CMSS1: variants seen among roughly 807,000 people sequenced by gnomAD.
CMSS1 encodes protein CMSS1.
Under a neutral mutation model 43.5 loss-of-function variants are expected in CMSS1, and 33 were observed. That is an observed-to-expected ratio of 0.76 (90% CI 0.57 to 1.01). The LOEUF (loss-of-function observed/expected upper bound fraction) is 1.01. Ranked by LOEUF, CMSS1 falls within the 50% of genes least tolerant of loss-of-function variation. CMSS1 has a pLI of 0.00. For missense variants in CMSS1, 313 were observed against 326.4 expected (o/e 0.96, Z 0.32); for synonymous variants, 115 against 117.2 (o/e 0.98, Z 0.12).
At chr3:100,121,249 C>A (rs184182311) in intron 1 of CMSS1, among the ~76,000 whole-genome samples, 1 of 150,120 alleles carries the variant, frequency 6.7e-6, no homozygotes, top group East Asian at 1.9e-4. Context: ...CCTAGCCCCC[C>A]ACCCCCCTAC....
chr3:100,112,719 C>T (rs754434155), intron 1 of CMSS1, among the ~76,000 whole-genome samples: 1 of 152,124 alleles, frequency 6.6e-6, no homozygotes, highest in East Asian at 1.9e-4. Context: ...AGAAAATTCT[C>T]ATCAGAGTAG....
At chr3:99,967,382 C>T (rs1278785828) in intron 1 of CMSS1, among the ~76,000 whole-genome samples, 2 of 152,142 alleles carry the variant, frequency 1.3e-5, no homozygotes, top group Non-Finnish European at 2.9e-5. Context: ...AGAAGCTTCT[C>T]GTGAAGAGTA....
At chr3:100,145,828 C>G (rs2066845081) in intron 1 of CMSS1, among the ~76,000 whole-genome samples, 1 of 152,212 alleles carries the variant, frequency 6.6e-6, no homozygotes, top group Non-Finnish European at 1.5e-5. Flanking sequence ...GGAAATTAAT[C>G]TGTTCTATTC....
rs555336264 is a variant in CMSS1, at chr3:100,151,876, T to G, written c.153+4815T>G. On this transcript the variant is annotated intron_variant, in intron 2 of 9. Coordinates refer to ENST00000421999, the MANE Select transcript of CMSS1 (RefSeq NM_032359.4). ...TCTTGTCATCTAAATCAGGTCCAGG[T>G]GCAGTTGGGGCTCCTCAGTTTTAAT... Among the ~76,000 whole-genome samples, 131 of 152,322 alleles carry G rather than the reference T, an allele frequency of 8.6e-4. 1 individual carries two copies. Among genetic ancestry groups the G allele is most frequent in the South Asian group, 2.9e-3 (14 of 4,830 alleles).
chr3:100,054,644 C>G (rs2065433105), intron 1 of CMSS1, among the ~76,000 whole-genome samples: 1 of 151,990 alleles, frequency 6.6e-6, no homozygotes, highest in Non-Finnish European at 1.5e-5. Context: ...AGATGTGGCT[C>G]AAAGAAACCA....
At chr3:100,123,297 G>A (rs114475222) in intron 1 of CMSS1, among the ~76,000 whole-genome samples, 50 of 152,246 alleles carry the variant, frequency 3.3e-4, no homozygotes, top group South Asian at 1.0e-3. Context: ...TGAAGGCTCC[G>A]GGGCAAGAAA....
chr3:100,022,124 A>G (rs1036752257), intron 1 of CMSS1, among the ~76,000 whole-genome samples: 5 of 152,218 alleles, frequency 3.3e-5, no homozygotes, highest in Non-Finnish European at 7.3e-5. Context: ...ATAAAAATAG[A>G]GGGAAGCCCT....
At chr3:100,093,667 C>T (rs1305636825) in intron 1 of CMSS1, among the ~76,000 whole-genome samples, 6 of 152,122 alleles carry the variant, frequency 3.9e-5, no homozygotes, top group Non-Finnish European at 8.8e-5. Context: ...ACAAGGATCC[C>T]TCATGTTCAC....
At chr3:99,953,197 G>A (rs568400131) in intron 1 of CMSS1, among the ~76,000 whole-genome samples, 2 of 152,204 alleles carry the variant, frequency 1.3e-5, no homozygotes, top group South Asian at 4.1e-4. Flanking sequence ...TACTTCCTCT[G>A]TGTTGTCAAC....
At chr3:99,873,093 ATAAGT>A (rs1705319024) in intron 1 of CMSS1, among the ~76,000 whole-genome samples, 1 of 152,228 alleles carries the variant, frequency 6.6e-6, no homozygotes, top group Non-Finnish European at 1.5e-5. Context: ...CACTTTAAGC[ATAAGT>A]GACTGGGTTG....
intron 1 of CMSS1, among the ~76,000 whole-genome samples, chr3:100,069,882 A>C (rs905120407): frequency 6.6e-6 from 1 of 152,120 alleles, no homozygotes; most frequent in African/African-American, 2.4e-5. Context: ...GAGGACTCAC[A>C]CTATCCAGTT....
chr3:100,112,457 C>T (rs2107479997), intron 1 of CMSS1, among the ~76,000 whole-genome samples: 1 of 152,266 alleles, frequency 6.6e-6, no homozygotes, highest in Admixed American at 6.5e-5. Flanking sequence ...TCTTCATTTC[C>T]AGTGCCAGCG....
At chr3:99,930,181 T>C (rs1370064134) in intron 1 of CMSS1, 2 of 663,376 alleles carry the variant, frequency 3.0e-6, no homozygotes, top group Non-Finnish European at 5.0e-6. Context: ...GTAACAAAAC[T>C]ATATCCCTTC....
chr3:100,084,298 C>G (rs943284132), intron 1 of CMSS1, among the ~76,000 whole-genome samples: 1 of 152,058 alleles, frequency 6.6e-6, no homozygotes, highest in Non-Finnish European at 1.5e-5. Context: ...TTCACTAGCC[C>G]ATTGAGTAGA....
intron 1 of CMSS1, among the ~76,000 whole-genome samples, chr3:100,000,509 C>T (rs771432814): frequency 2.0e-5 from 3 of 152,020 alleles, no homozygotes; most frequent in South Asian, 4.1e-4. Context: ...AGGGTAAAAA[C>T]GGGTGAAAAT....
chr3:100,126,963 A>C (rs1054305927), intron 1 of CMSS1, among the ~76,000 whole-genome samples: 14 of 151,750 alleles, frequency 9.2e-5, no homozygotes, highest in Non-Finnish European at 1.8e-4. Flanking sequence ...TCGCCACTGC[A>C]CTCTAGCCTG....
chr3:99,863,927 C>T (rs900379837), intron 1 of CMSS1, among the ~76,000 whole-genome samples: 2 of 152,156 alleles, frequency 1.3e-5, no homozygotes, highest in Non-Finnish European at 2.9e-5. Context: ...TGCAGCCAAA[C>T]ATTTCTTGGA....
intron 1 of CMSS1, among the ~76,000 whole-genome samples, chr3:100,100,217 A>G (rs1457996412): frequency 6.6e-6 from 1 of 152,132 alleles, no homozygotes; most frequent in African/African-American, 2.4e-5. Context: ...TTCTCCTGAG[A>G]TATTCAAGGG....
At chr3:100,144,145 G>A (rs142154696) in intron 1 of CMSS1, among the ~76,000 whole-genome samples, 4 of 152,132 alleles carry the variant, frequency 2.6e-5, no homozygotes, top group South Asian at 2.1e-4. Flanking sequence ...ATCTCTGTGC[G>A]GGGGAGGAGT....
Sources: gnomAD v4.1 joint callset for allele counts (sites outside exome capture counted in the v4.1 genomes callset) on GRCh38, gnomAD v4.1.1 for gene constraint, MANE v1.5 for transcripts, NCBI Gene and HGNC (gene_info 2026-07-23, HGNC 2026-07-21) for gene names.